The following ATP2C1 variants were observed in gnomAD, a reference collection of about 807,000 sequenced individuals.
ATP2C1 encodes calcium-transporting ATPase type 2C member 1.
A neutral mutation model predicts 120.5 loss-of-function variants in ATP2C1; 31 were observed. The ratio of observed to expected loss-of-function variants is 0.26; its 90% CI spans 0.19 to 0.35. The LOEUF (loss-of-function observed/expected upper bound fraction) is 0.35. ATP2C1 is among the 10% of genes least tolerant of loss of function. The pLI is 1.00. For missense variants in ATP2C1, 731 were observed against 1,107.5 expected (o/e 0.66, Z 4.83); for synonymous variants, 351 against 358.7 (o/e 0.98, Z 0.24).
chr3:130,931,375 T>C (rs1366373747), intron 3 of ATP2C1, among the ~76,000 whole-genome samples: 1 of 152,110 alleles, frequency 6.6e-6, no homozygotes, highest in African/African-American at 2.4e-5. Context: ...GAAGTTCATC[T>C]GAACTTCACT....
chr3:131,006,413 G>C (rs1456185425), downstream of ATP2C1, among the ~76,000 whole-genome samples: 1 of 152,020 alleles, frequency 6.6e-6, no homozygotes, highest in Non-Finnish European at 1.5e-5. Flanking sequence ...CGGTTGGCCT[G>C]TTTATTTTTT....
chr3:130,954,775 C>T (rs1419189157), intron 9 of ATP2C1, among the ~76,000 whole-genome samples: 2 of 152,180 alleles, frequency 1.3e-5, no homozygotes, highest in African/African-American at 4.8e-5. Context: ...GCGTGAGCCA[C>T]AGCACCCGGC....
Position 130,975,397 on chromosome 3 carries a change from C to T in ATP2C1, c.1479C>T (p.Tyr493=), listed in dbSNP as rs2061494694. ...AAGTAATTAAGTACTGTACTACATA[C>T]CAGAGCAAAGGGCAGACCTTGACAC... ...YEQVIKYCTT[Y]QSKGQTLTLT... Residue 493 remains tyrosine (Y), a synonymous_variant, in exon 18 of 28, where the codon TAC becomes TAT. Coordinates refer to ENST00000510168, the MANE Select transcript of ATP2C1 (RefSeq NM_001378687.1). 1 of 1,613,636 alleles carries T rather than the reference C, an allele frequency of 6.2e-7. No homozygotes were observed. Among genetic ancestry groups the T allele is most frequent in the Admixed American group, 1.7e-5 (1 of 59,972 alleles).
At chr3:130,997,438 A>C (rs962242668) in intron 24 of ATP2C1, among the ~76,000 whole-genome samples, 168 bp from the exon 25 acceptor site, 1 of 152,216 alleles carries the variant, frequency 6.6e-6, no homozygotes, top group African/African-American at 2.4e-5. Context: ...AAAAAGTGAC[A>C]AAATCAGTGG....
intron 20 of ATP2C1, among the ~76,000 whole-genome samples, chr3:130,990,268 A>T: frequency 1.1e-5 from 1 of 87,620 alleles, no homozygotes; most frequent in Non-Finnish European, 2.7e-5. Flanking sequence ...AGTGCTTAAG[A>T]GCAACCCCCC....
chr3:131,001,057 C>G (rs1043555149), intron 27 of ATP2C1, among the ~76,000 whole-genome samples, 163 bp from the exon 28 acceptor site: 2 of 125,412 alleles, frequency 1.6e-5, no homozygotes, highest in Non-Finnish European at 3.1e-5. Flanking sequence ...GAGCTGAGAT[C>G]ATGCCACTGC....
downstream of ATP2C1, among the ~76,000 whole-genome samples, chr3:131,004,663 G>T (rs1398383906): frequency 6.6e-6 from 1 of 152,230 alleles, no homozygotes; most frequent in Non-Finnish European, 1.5e-5. Flanking sequence ...GATCCTCAAA[G>T]AAATTTGTCA....
chr3:130,884,933 T>TC (rs1205836702), intron 1 of ATP2C1, among the ~76,000 whole-genome samples: 41 of 146,502 alleles, frequency 2.8e-4, no homozygotes, highest in Non-Finnish European at 5.6e-4. Flanking sequence ...TTTCTTTCTT[T>TC]TTTTTTTTTT....
intron 6 of ATP2C1, among the ~76,000 whole-genome samples, chr3:130,938,431 T>G (rs947395342): frequency 2.6e-5 from 4 of 152,222 alleles, no homozygotes; most frequent in Non-Finnish European, 5.9e-5. Flanking sequence ...TAACTATGGT[T>G]GTTCTTACAT....
At chr3:131,015,995 A>G in intron 26 of ATP2C1, 1 of 962,344 alleles carries the variant, frequency 1.0e-6, no homozygotes, top group Non-Finnish European at 1.6e-6. Context: ...TTCAGCTGTA[A>G]CAGTGACTCA....
At chr3:130,908,532 C>T (rs1257228888) in intron 2 of ATP2C1, among the ~76,000 whole-genome samples, 1 of 151,530 alleles carries the variant, frequency 6.6e-6, no homozygotes, top group East Asian at 1.9e-4. Context: ...TGGCAGTATA[C>T]ACAGAAATAG....
chr3:130,941,223 A>AGTGTGTGTGTGTGTGTGT (rs71774561), intron 7 of ATP2C1, among the ~76,000 whole-genome samples: 1 of 144,338 alleles, frequency 6.9e-6, no homozygotes, highest in African/African-American at 2.6e-5. Flanking sequence ...TGTATTTAAC[A>AGTGTGTGTGTGTGTGTGT]GTGTGTGTGT....
intron 6 of ATP2C1, 144 bp downstream of exon 6, chr3:130,937,607 C>T: frequency 2.7e-6 from 2 of 733,704 alleles, no homozygotes; most frequent in South Asian, 3.1e-5. Context: ...ATTTCAGATA[C>T]AGACAACTCT....
At chr3:130,954,945 GTGTGTGTA>G (rs2060515349) in intron 9 of ATP2C1, 59 bp from the exon 10 acceptor site, 4 of 1,044,708 alleles carry the variant, frequency 3.8e-6, no homozygotes, top group Non-Finnish European at 6.0e-6. Context: ...TGTTGGATGT[GTGTGTGTA>G]TGTGTTTTGG....
chr3:131,002,646 T>C lies in ATP2C1; in HGVS notation c.*1296T>C. On this transcript the variant is annotated 3_prime_UTR_variant, in exon 28 of 28. Transcript: ENST00000510168. ...TAGAAATTTGTTTTTCTGTTGAGTATATAAACAAAAATTGGTCCCAATTCT... is the reference window on the plus strand; with the variant it reads ...TAGAAATTTGTTTTTCTGTTGAGTACATAAACAAAAATTGGTCCCAATTCT... The C allele has an allele frequency of 1.0e-6, 1 of 985,384 alleles. No individual in the cohort carries two copies. The highest frequency in any genetic ancestry group is 1.7e-5 in the African/African-American group (1 of 57,362). 61.0% of individuals were successfully genotyped at this position (985,384 alleles called of 1,614,324 possible).
intron 22 of ATP2C1, 60 bp downstream of exon 22, chr3:130,994,158 C>T: frequency 2.5e-6 from 4 of 1,588,420 alleles, no homozygotes; most frequent in Non-Finnish European, 3.5e-6. Context: ...TCCTGTCCCC[C>T]ACCCCTAGAG....
intron 19 of ATP2C1, 75 bp downstream of exon 19, chr3:130,979,494 T>G: frequency 7.2e-7 from 1 of 1,393,394 alleles, no homozygotes; most frequent in Non-Finnish European, 1.0e-6. Context: ...TGTGAACTAT[T>G]AGTTATGAAT....
At position 130,998,302 on chromosome 3, in the gene ATP2C1, C is replaced by T. The variant is rs760722622; in HGVS notation, c.2400C>T (p.Asp800=). The change falls in exon 26 of 28, where the codon GAC becomes GAT. Residue 800 remains aspartate (D), a synonymous_variant. Coordinates refer to ENST00000510168, the MANE Select transcript of ATP2C1 (RefSeq NM_001378687.1). ...TTATTGCCTCTTGACAGCTACGAGACAATGTGATTACACCTCGAGACACAA... is the reference window on the plus strand; with the variant it reads ...TTATTGCCTCTTGACAGCTACGAGATAATGTGATTACACCTCGAGACACAA... The part of the protein sequence containing the change: ...TLFVFWRELR[D]NVITPRDTTM... 2.0e-5 allele frequency: 32 copies of T among 1,608,974 alleles called. No individual in the cohort carries two copies. The African/African-American group carries it at 3.7e-4, about 19-fold the overall frequency.
chr3:130,894,064 C>T (rs1038582125), upstream of ATP2C1: 5 of 984,802 alleles, frequency 5.1e-6, no homozygotes, highest in African/African-American at 5.2e-5. This position sits in a 1 kb window ranked among gnomAD's most constrained non-coding sequence, Gnocchi z 4.5. Flanking sequence ...GGGCGGAGCG[C>T]AGGAGTCGGA....
Sources: allele counts gnomAD v4.1 joint callset (sites outside exome capture counted in the v4.1 genomes callset), GRCh38; gene constraint gnomAD v4.1.1; non-coding constraint Gnocchi (gnomAD v3.1); transcripts MANE v1.5; gene names NCBI Gene and HGNC (gene_info 2026-07-23, HGNC 2026-07-21).